The following RAD17 variants were observed in gnomAD, a reference collection of about 807,000 sequenced individuals.
The protein encoded by RAD17 is cell cycle checkpoint protein RAD17.
In RAD17, 31 loss-of-function variants were observed where a neutral mutation model predicts 81.5. The observed-to-expected ratio is 0.38, with a 90% CI of 0.29 to 0.51. The LOEUF (loss-of-function observed/expected upper bound fraction) is 0.51. Among genes scored for constraint, RAD17 ranks in the 20% least tolerant of loss-of-function variants. RAD17 has a pLI of 0.88. For missense variants in RAD17, 681 were observed against 781.2 expected, an observed-to-expected ratio of 0.87 and a Z score of 1.53; for synonymous variants, 261 against 266.2, an observed-to-expected ratio of 0.98 and a Z score of 0.19.
rs17230006 is a variant in RAD17 at position 69,389,259 on chromosome 5, C to CT, written c.1006+117dup. The stretch of plus-strand genomic sequence containing the variant: ...ATTTGGTCTATACCTATTTATCCTT[C>CT]TTTATTACTGAGACAGTGGCTTAAA... On this transcript the variant is annotated intron_variant, in intron 12 of 18. Transcript: ENST00000354868. 122 of 518,028 alleles carry CT rather than the reference C, an allele frequency of 2.4e-4. 1 individual carries two copies. The South Asian group carries it at 6.1e-3, about 26-fold the overall frequency. 32.1% of individuals were successfully genotyped at this position (518,028 alleles called of 1,614,324 possible). A position where few individuals can be genotyped will look rare whatever the true frequency, so the allele number is the denominator to read the frequency against.
At chr5:69,377,504 TATGTATATATAC>T (rs1763463218) in intron 6 of RAD17, among the ~76,000 whole-genome samples, 2 of 102,952 alleles carry the variant, frequency 1.9e-5, no homozygotes, top group African/African-American at 7.6e-5. Flanking sequence ...TACGTATATA[TATGTATATATAC>T]GTATATATAT....
intron 15 of RAD17, among the ~76,000 whole-genome samples, chr5:69,395,655 A>G (rs750030356): frequency 2.0e-5 from 3 of 152,198 alleles, no homozygotes; most frequent in Admixed American, 6.6e-5. Context: ...CCTGTACCTC[A>G]TAAATATATA....
intron 13 of RAD17, 51 bp downstream of exon 13, chr5:69,392,064 A>C: frequency 7.4e-7 from 1 of 1,353,010 alleles, no homozygotes. Flanking sequence ...ATAGTCTTAA[A>C]ATGGAAATAA....
intron 15 of RAD17, among the ~76,000 whole-genome samples, chr5:69,393,950 C>G (rs375003289): frequency 8.1e-6 from 1 of 123,978 alleles, no homozygotes; most frequent in African/African-American, 3.0e-5. Flanking sequence ...GCTCTATCTA[C>G]AGCTATGTTA....
chr5:69,379,723 G>A (rs1763727828), intron 6 of RAD17, among the ~76,000 whole-genome samples: 1 of 152,054 alleles, frequency 6.6e-6, no homozygotes, highest in South Asian at 2.1e-4. Flanking sequence ...GTCTACACAG[G>A]ATTAGGATCA....
At chr5:69,393,080 A>C (rs1355024438) in intron 13 of RAD17, 75 bp from the exon 14 acceptor site, 1 of 985,048 alleles carries the variant, frequency 1.0e-6, no homozygotes, top group African/African-American at 1.7e-5. Context: ...TAAAATTTTC[A>C]AACTCTTCAA....
intron 18 of RAD17, 101 bp downstream of exon 18, chr5:69,410,651 C>T (rs1765916870): frequency 1.9e-6 from 2 of 1,032,860 alleles, no homozygotes; most frequent in African/African-American, 1.6e-5. Flanking sequence ...CCAAGAAAGA[C>T]ATACTGTACC....
intron 12 of RAD17, among the ~76,000 whole-genome samples, chr5:69,391,215 G>T (rs1764534717): frequency 6.8e-6 from 1 of 146,176 alleles, no homozygotes; most frequent in Non-Finnish European, 1.5e-5. Flanking sequence ...GGGCAACAGA[G>T]CGAGACTCCA....
In RAD17 at chr5:69,373,909, G is replaced by A; in HGVS notation, c.89G>A (p.Gly30Asp). ...TCTACTATTACTGCCACATCATTAGGTGTGAATAACTCAAGTCATAGAAGA... is the reference window on the plus strand; with the variant it reads ...TCTACTATTACTGCCACATCATTAGATGTGAATAACTCAAGTCATAGAAGA... ...GVSTITATSL[G>D]VNNSSHRRKN... Residue 30 changes from glycine to aspartate, a missense_variant, in exon 5 of 19, where the codon GGT (glycine) becomes GAT (aspartate). Physicochemically the swap from Gly to Asp is moderately conservative, Grantham distance 94 (BLOSUM62 -1). Transcript: ENST00000354868. 6.2e-7 allele frequency: 1 copy of A among 1,610,146 alleles called. No homozygotes were observed. Among genetic ancestry groups the A allele is most frequent in the Non-Finnish European group, 8.5e-7 (1 of 1,176,888 alleles).
At chr5:69,385,624 A>G (rs1434716274) in intron 8 of RAD17, among the ~76,000 whole-genome samples, 3 of 152,216 alleles carry the variant, frequency 2.0e-5, no homozygotes, top group African/African-American at 7.2e-5. Context: ...GATATATCTT[A>G]CATGATAATG....
intron 8 of RAD17, among the ~76,000 whole-genome samples, chr5:69,385,320 G>A (rs1200568782): frequency 2.8e-5 from 4 of 144,246 alleles, no homozygotes; most frequent in Admixed American, 2.2e-4. Context: ...CTAGGCTGGA[G>A]TGCAGTGGTG....
intron 13 of RAD17, 70 bp downstream of exon 13, chr5:69,392,083 T>C: frequency 7.7e-7 from 1 of 1,296,718 alleles, no homozygotes; most frequent in Non-Finnish European, 1.0e-6. Flanking sequence ...AAAATGTCAC[T>C]TTTAAAAAAA....
At chr5:69,400,940 C>T (rs1051613761) in intron 17 of RAD17, among the ~76,000 whole-genome samples, 1 of 151,378 alleles carries the variant, frequency 6.6e-6, no homozygotes, top group Non-Finnish European at 1.5e-5. Flanking sequence ...CTCAAAAAAA[C>T]AAAAAGCATC....
At chr5:69,403,708 C>T (rs562984277) in intron 17 of RAD17, among the ~76,000 whole-genome samples, 62 of 152,202 alleles carry the variant, frequency 4.1e-4, no homozygotes, top group African/African-American at 1.4e-3. Context: ...TCGCTTGAGC[C>T]CAGGAGTTTG....
At chr5:69,371,621 T>C (rs1763009667) in intron 3 of RAD17, 64 bp downstream of exon 3, 2 of 911,132 alleles carry the variant, frequency 2.2e-6, no homozygotes, top group Admixed American at 3.5e-5. Context: ...TTTATATATA[T>C]TCTTAATAAC....
chr5:69,413,454 AAG>A (rs1246226698), intron 18 of RAD17, among the ~76,000 whole-genome samples: 8 of 152,174 alleles, frequency 5.3e-5, no homozygotes, highest in Non-Finnish European at 7.3e-5. Context: ...AAAAAGAAAA[AAG>A]AAAAATTCTT....
intron 6 of RAD17, among the ~76,000 whole-genome samples, chr5:69,380,179 C>A (rs1040522573): frequency 1.3e-5 from 2 of 151,952 alleles, no homozygotes; most frequent in East Asian, 1.9e-4. Flanking sequence ...CTGTGCCCGG[C>A]CAACTTTTTT....
intron 6 of RAD17, among the ~76,000 whole-genome samples, chr5:69,377,445 A>ATG (rs1763422076): frequency 5.9e-4 from 5 of 8,488 alleles, no homozygotes; most frequent in Non-Finnish European, 2.0e-3. Context: ...GTGTGTATAT[A>ATG]TATATATATA....
At chr5:69,369,422 A>G, upstream of RAD17, 1 of 1,603,494 alleles carries the variant, frequency 6.2e-7, no homozygotes, top group Non-Finnish European at 8.5e-7. Flanking sequence ...CTGCGCCCCC[A>G]GCCTGCCCCA....
Sources: gnomAD v4.1 joint callset for allele counts (sites outside exome capture counted in the v4.1 genomes callset) on GRCh38, gnomAD v4.1.1 for gene constraint, MANE v1.5 for transcripts, NCBI Gene and HGNC (gene_info 2026-07-23, HGNC 2026-07-21) for gene names.